The following ERBB4 variants were observed in gnomAD, a reference collection of about 807,000 sequenced individuals.
ERBB4 encodes the protein receptor tyrosine-protein kinase erbB-4.
Under a neutral mutation model 158.0 loss-of-function variants are expected in ERBB4, and 42 were observed. The ratio of observed to expected loss-of-function variants is 0.27; its 90% CI spans 0.21 to 0.34. The LOEUF (loss-of-function observed/expected upper bound fraction) is 0.34, where lower values mean the gene tolerates loss of function less well. Ranked by LOEUF, ERBB4 falls within the 10% of genes least tolerant of loss-of-function variation. The pLI, the probability that ERBB4 is intolerant of heterozygous loss-of-function variation, is 1.00. For synonymous variants in ERBB4, 583 were observed against 558.7 expected (o/e 1.04, Z -0.61); for missense variants, 1,333 against 1,624.1 (o/e 0.82, Z 3.08).
At chr2:212,172,682 C>A (rs1038071959) in intron 1 of ERBB4, among the ~76,000 whole-genome samples, 5 of 151,980 alleles carry the variant, frequency 3.3e-5, no homozygotes, top group African/African-American at 1.2e-4. Flanking sequence ...AATACAGGAA[C>A]TGAAAACAAA....
intron 16 of ERBB4, among the ~76,000 whole-genome samples, chr2:211,639,772 A>G (rs1408651298): frequency 6.6e-6 from 1 of 152,076 alleles, no homozygotes; most frequent in Non-Finnish European, 1.5e-5. Flanking sequence ...CCCAGGCAGG[A>G]GTACAGTGGC....
intron 1 of ERBB4, among the ~76,000 whole-genome samples, chr2:212,259,479 A>C (rs956196183): frequency 6.6e-6 from 1 of 152,184 alleles, no homozygotes; most frequent in East Asian, 1.9e-4. Flanking sequence ...GAATACATTT[A>C]TTGGTAAGAA....
At chr2:211,757,395 A>G (rs147191534) in intron 4 of ERBB4, among the ~76,000 whole-genome samples, 1 of 152,348 alleles carries the variant, frequency 6.6e-6, no homozygotes, top group Non-Finnish European at 1.5e-5. Context: ...AGTATATTAC[A>G]TCAGGAGTTA....
At chr2:211,426,143 C>T (rs1223306883) in intron 22 of ERBB4, among the ~76,000 whole-genome samples, 1 of 37,474 alleles carries the variant, frequency 2.7e-5, no homozygotes, top group African/African-American at 1.8e-4. Flanking sequence ...AAAACAAAAG[C>T]CAAAATATAA....
intron 13 of ERBB4, among the ~76,000 whole-genome samples, chr2:211,677,954 A>C (rs1047252889): frequency 6.6e-6 from 1 of 152,168 alleles, no homozygotes; most frequent in Non-Finnish European, 1.5e-5. Flanking sequence ...AATTTGACTT[A>C]GGAGCAGTAC....
intron 1 of ERBB4, among the ~76,000 whole-genome samples, chr2:212,163,293 G>A (rs2081256151): frequency 1.3e-5 from 2 of 151,740 alleles, no homozygotes; most frequent in South Asian, 4.2e-4. Context: ...TTTTTCCAAG[G>A]TTTTCTTTTC....
chr2:211,909,168 A>C (rs73077353), intron 3 of ERBB4, among the ~76,000 whole-genome samples: 21,576 of 151,686 alleles, frequency 0.14, 2,039 homozygotes, highest in African/African-American at 0.23. Context: ...TCTGCAATAA[A>C]TATCCATAAG....
At chr2:211,515,054 A>C (rs2065987810) in intron 20 of ERBB4, among the ~76,000 whole-genome samples, 1 of 152,196 alleles carries the variant, frequency 6.6e-6, no homozygotes, top group Non-Finnish European at 1.5e-5. Context: ...TTCATATAGC[A>C]GGTTAGCCTC....
chr2:211,876,263 A>G (rs1290802304), intron 3 of ERBB4, among the ~76,000 whole-genome samples: 6 of 152,136 alleles, frequency 3.9e-5, no homozygotes, highest in Non-Finnish European at 7.4e-5. Flanking sequence ...ACACGTCAGT[A>G]GGTATTTTGG....
chr2:212,495,671 C>G (rs1053611633), intron 1 of ERBB4, among the ~76,000 whole-genome samples: 2 of 152,154 alleles, frequency 1.3e-5, no homozygotes, highest in South Asian at 4.1e-4. Context: ...CTAAAATTAG[C>G]CCTGGCACAT....
At chr2:212,179,022 A>C (rs115596746) in intron 1 of ERBB4, among the ~76,000 whole-genome samples, 4,239 of 151,774 alleles carry the variant, frequency 0.028, 172 homozygotes, top group African/African-American at 0.095. Flanking sequence ...TAAAAGTAAT[A>C]CTATATCTTT....
chr2:212,525,377 T>C (rs900740674), intron 1 of ERBB4, among the ~76,000 whole-genome samples: 1 of 151,904 alleles, frequency 6.6e-6, no homozygotes, highest in Non-Finnish European at 1.5e-5. Flanking sequence ...CTGAAAAAAA[T>C]TAACCTTGAA....
chr2:212,012,915 G>A (rs963448529), intron 2 of ERBB4, among the ~76,000 whole-genome samples: 6 of 151,784 alleles, frequency 4.0e-5, no homozygotes, highest in African/African-American at 7.3e-5. Flanking sequence ...TGGTCAACCT[G>A]TTGATTTTTT....
chr2:211,415,103 T>C (rs2063353553), intron 25 of ERBB4, among the ~76,000 whole-genome samples: 1 of 125,754 alleles, frequency 8.0e-6, no homozygotes, highest in African/African-American at 2.9e-5. Context: ...GAAACTTACA[T>C]TTTCTTTTTT....
At chr2:211,472,639 T>C (rs1014620668) in intron 20 of ERBB4, among the ~76,000 whole-genome samples, 3 of 151,860 alleles carry the variant, frequency 2.0e-5, no homozygotes, top group African/African-American at 7.2e-5. Context: ...CTTTCCCAAC[T>C]ACATCCTTGG....
At chr2:212,037,991 A>G (rs1334603784) in intron 2 of ERBB4, among the ~76,000 whole-genome samples, 2 of 152,166 alleles carry the variant, frequency 1.3e-5, no homozygotes, top group Non-Finnish European at 2.9e-5. Flanking sequence ...TTATTTCACA[A>G]AAAGTATTGT....
intron 25 of ERBB4, among the ~76,000 whole-genome samples, chr2:211,400,220 G>A (rs2063005558): frequency 6.6e-6 from 1 of 152,024 alleles, no homozygotes; most frequent in South Asian, 2.1e-4. Flanking sequence ...TGCCTGTGTT[G>A]GGTGCTTTAT....
chr2:212,097,230 T>C (rs1187157753), intron 2 of ERBB4, among the ~76,000 whole-genome samples: 2 of 152,086 alleles, frequency 1.3e-5, no homozygotes, highest in African/African-American at 2.4e-5. Context: ...GTTGTAACAA[T>C]GTACAGGATG....
At chr2:212,319,111 G>A (rs2087436929) in intron 1 of ERBB4, among the ~76,000 whole-genome samples, 1 of 151,572 alleles carries the variant, frequency 6.6e-6, no homozygotes, top group Non-Finnish European at 1.5e-5. Context: ...TCATTTTGTG[G>A]CACAAGTCAA....
Sources: allele counts gnomAD v4.1 joint callset (sites outside exome capture counted in the v4.1 genomes callset), GRCh38; gene constraint gnomAD v4.1.1; transcripts MANE v1.5; gene names NCBI Gene and HGNC (gene_info 2026-07-23, HGNC 2026-07-21).